Variants in WDR41 observed in about 807,000 individuals in gnomAD.
WDR41 encodes the protein WD repeat domain 41.
WDR41 carries 63 observed loss-of-function variants against 69.3 expected under a neutral mutation model. The observed-to-expected ratio is 0.91, with a 90% CI of 0.74 to 1.12. WDR41 has a LOEUF of 1.12. Among genes scored for constraint, WDR41 ranks in the 50% most tolerant of loss-of-function variants. The probability of loss-of-function intolerance (pLI) is 0.00; values close to 1 mark genes in which losing one functional copy is unlikely to be tolerated. For synonymous variants in WDR41, 185 were observed against 192.1 expected, an observed-to-expected ratio of 0.96 and a Z score of 0.31; for missense variants, 543 against 534.5, an observed-to-expected ratio of 1.02 and a Z score of -0.16.
At chr5:77,436,459 A>C in intron 11 of WDR41, 65 bp from the exon 12 acceptor site, 1 of 1,581,030 alleles carries the variant, frequency 6.3e-7, no homozygotes, top group South Asian at 1.1e-5. Flanking sequence ...GATCAGAAAA[A>C]CAAAATTTAA....
At chr5:77,495,905 C>T (rs1318676472), upstream of WDR41, among the ~76,000 whole-genome samples, 1 of 151,896 alleles carries the variant, frequency 6.6e-6, no homozygotes, top group Non-Finnish European at 1.5e-5. Flanking sequence ...AGCATATTAA[C>T]AAGTATTATT....
chr5:77,615,787 G>T (rs7727089), intron 1 of WDR41, among the ~76,000 whole-genome samples: 24,559 of 151,284 alleles, frequency 0.16, 2,425 homozygotes, highest in East Asian at 0.43. Context: ...GAGGTCAGAG[G>T]TTCGAGACCA....
chr5:77,617,576 C>T (rs953196212), intron 1 of WDR41, among the ~76,000 whole-genome samples: 1 of 152,082 alleles, frequency 6.6e-6, no homozygotes, highest in South Asian at 2.1e-4. Flanking sequence ...GTCATTAAAA[C>T]TAGGCATATG....
intron 6 of WDR41, chr5:77,451,892 C>T (rs7725929): frequency 1.3e-5 from 2 of 152,308 alleles, no homozygotes; most frequent in Non-Finnish European, 2.9e-5. Context: ...TTCTAACACA[C>T]TTCACTTATT....
intron 1 of WDR41, among the ~76,000 whole-genome samples, chr5:77,530,628 T>C (rs1419154390): frequency 6.6e-6 from 1 of 151,762 alleles, no homozygotes; most frequent in Admixed American, 6.6e-5. Flanking sequence ...TGGAGGAATA[T>C]CCTTGCATAG....
intron 1 of WDR41, among the ~76,000 whole-genome samples, chr5:77,507,590 G>A (rs944195001): frequency 4.6e-5 from 7 of 151,976 alleles, no homozygotes; most frequent in Non-Finnish European, 7.4e-5. Context: ...TTATACTCTC[G>A]ATATAAGTAT....
intron 1 of WDR41, among the ~76,000 whole-genome samples, chr5:77,522,450 G>T (rs1802385140): frequency 6.6e-6 from 1 of 152,062 alleles, no homozygotes; most frequent in Non-Finnish European, 1.5e-5. Context: ...GACCATCCTG[G>T]CCAACACGAT....
At position 77,492,297 on chromosome 5, in the gene WDR41, T is replaced by G. The variant is rs1443610913; in HGVS notation, c.-77A>C. ...GCCCCAGGCTCGGCCTCCTCCTTCC[T>G]CCCCGGCTGCAGCGCAACTGAGACG... On this transcript the variant is annotated 5_prime_UTR_variant, in exon 1 of 13. Transcript: ENST00000296679. 2 of 1,581,012 alleles carry G rather than the reference T, an allele frequency of 1.3e-6. No individual in the cohort carries two copies. Among genetic ancestry groups the G allele is most frequent in the Non-Finnish European group, 1.7e-6 (2 of 1,162,196 alleles).
upstream of WDR41, among the ~76,000 whole-genome samples, chr5:77,493,573 G>A (rs1301409480): frequency 1.3e-5 from 2 of 152,138 alleles, no homozygotes; most frequent in Non-Finnish European, 2.9e-5. Flanking sequence ...CCTTTTGAGT[G>A]CACTCGGCAA....
Position 77,498,837 on chromosome 5 carries a change from G to C in WDR41, c.43-9265C>G, listed in dbSNP as rs557191904. On this transcript the variant is annotated intron_variant, in intron 1 of 5. Coordinates refer to the WDR41 transcript ENST00000509971. Reference sequence around the variant, plus strand: ...CCATCAAAAAAAAAAAAAGAAAAAAGAAAAAGAAAAAAAGAAAAAACCATT... The same window carrying C: ...CCATCAAAAAAAAAAAAAGAAAAAACAAAAAGAAAAAAAGAAAAAACCATT... Among the ~76,000 whole-genome samples, 419 of 147,866 alleles carry C rather than the reference G, an allele frequency of 2.8e-3. 4 individuals carry two copies. Among genetic ancestry groups the C allele is most frequent in the African/African-American group, 0.01 (409 of 40,428 alleles).
chr5:77,451,974 G>A (rs1799642638), intron 6 of WDR41: 1 of 150,450 alleles, frequency 6.6e-6, no homozygotes, highest in Non-Finnish European at 1.5e-5. Context: ...GCTTCTGTCA[G>A]TATGAATAAA....
chr5:77,435,329 T>G lies in WDR41; in HGVS notation c.1227+932A>C, dbSNP rs1001592775. Among the ~76,000 whole-genome samples the G allele has an allele frequency of 2.6e-5, 4 of 152,316 alleles. No homozygotes were observed. The South Asian group carries it at 6.2e-4, about 24-fold the overall frequency. On this transcript the variant is annotated intron_variant, in intron 12 of 12. Transcript: ENST00000296679. The stretch of plus-strand genomic sequence containing the variant: ...ACAAGATTCAGCAAGAAATGTTTCT[T>G]CTGAGTCACTGCTGCTTACTTGGGT...
At chr5:77,588,885 A>G (rs568951383) in intron 1 of WDR41, among the ~76,000 whole-genome samples, 1 of 152,330 alleles carries the variant, frequency 6.6e-6, no homozygotes, top group Admixed American at 6.5e-5. Flanking sequence ...TATGACAGAT[A>G]TTATTTTCTC....
intron 10 of WDR41, among the ~76,000 whole-genome samples, 155 bp from the exon 11 acceptor site, chr5:77,437,579 C>T (rs1037323928): frequency 1.3e-5 from 2 of 152,296 alleles, no homozygotes; most frequent in Non-Finnish European, 2.9e-5. Context: ...CGTTACAACG[C>T]AAACTAAAAG....
At chr5:77,576,497 A>T (rs989872817) in intron 1 of WDR41, among the ~76,000 whole-genome samples, 1 of 152,088 alleles carries the variant, frequency 6.6e-6, no homozygotes, top group Non-Finnish European at 1.5e-5. Context: ...CCTTGACCTG[A>T]TATAAGCCAC....
Position 77,591,518 on chromosome 5 carries a change from C to T in WDR41, c.42+28961G>A, listed in dbSNP as rs114079728. 4.9e-3 allele frequency among the ~76,000 whole-genome samples: 742 copies of T among 152,044 alleles called. 2 individuals carry two copies. Among genetic ancestry groups the T allele is most frequent in the African/African-American group, 0.017 (715 of 41,506 alleles). On this transcript the variant is annotated intron_variant, in intron 1 of 5. Transcript: ENST00000509971. ...TGATGGTAGCCAGCCTTTCTTTTTT[C>T]CAATATATGTGTTTAGAGCTGTAAG...
At chr5:77,441,567 C>T (rs1799168913) in intron 8 of WDR41, among the ~76,000 whole-genome samples, 1 of 152,016 alleles carries the variant, frequency 6.6e-6, no homozygotes, top group Admixed American at 6.5e-5. Flanking sequence ...GGTGAAACCC[C>T]ATCTCTACTA....
chr5:77,491,989 G>C (rs1217409471), intron 1 of WDR41, 181 bp downstream of exon 1: 2 of 737,908 alleles, frequency 2.7e-6, no homozygotes, highest in Non-Finnish European at 2.1e-6. Context: ...CCGGGTCTGA[G>C]GAGCTCCGGC....
intron 1 of WDR41, among the ~76,000 whole-genome samples, chr5:77,541,923 T>G (rs1743096008): frequency 1.3e-5 from 2 of 152,202 alleles, no homozygotes; most frequent in African/African-American, 4.8e-5. Flanking sequence ...CTATTGGATA[T>G]ATACCCAATG....
Sources: allele counts gnomAD v4.1 joint callset (sites outside exome capture counted in the v4.1 genomes callset), GRCh38; gene constraint gnomAD v4.1.1; transcripts MANE v1.5; gene names NCBI Gene and HGNC (gene_info 2026-07-23, HGNC 2026-07-21).